The following CHN1 variants were observed in gnomAD, a reference collection of about 807,000 sequenced individuals.
CHN1 encodes the protein N-chimaerin.
A neutral mutation model predicts 59.5 loss-of-function variants in CHN1; 37 were observed. The observed-to-expected ratio is 0.62, with a 90% CI of 0.48 to 0.82. The LOEUF is 0.82. Ranked by LOEUF, CHN1 falls within the 40% of genes least tolerant of loss-of-function variation. The pLI is 0.00. For synonymous variants in CHN1, 206 were observed against 200.4 expected, an observed-to-expected ratio of 1.03 and a Z score of -0.24; for missense variants, 469 against 571.0, an observed-to-expected ratio of 0.82 and a Z score of 1.82.
Position 174,847,582 on chromosome 2 carries a change from A to T in CHN1, c.550-625T>A, listed in dbSNP as rs1212320. 2,265 of 1,297,002 alleles carry T rather than the reference A, an allele frequency of 1.7e-3. 35 individuals carry two copies. The African/African-American group carries it at 0.031, about 18-fold the overall frequency. The allele number at this position is 1,297,002 out of a possible 1,614,324, so 80.3% of individuals were successfully genotyped here. On this transcript the variant is annotated intron_variant, in intron 6 of 12. Transcript: ENST00000409900. ...ATCAGTTTCTAGCAACAGACACCCTATGAAGCCCCTAGCAGGGAAGGTGGG... is the reference window on the plus strand; with the variant it reads ...ATCAGTTTCTAGCAACAGACACCCTTTGAAGCCCCTAGCAGGGAAGGTGGG...
chr2:174,879,202 T>C (rs1687662390), intron 5 of CHN1, among the ~76,000 whole-genome samples: 1 of 152,252 alleles, frequency 6.6e-6, no homozygotes, highest in South Asian at 2.1e-4. Context: ...AATGGGACTA[T>C]AAACTTGTTA....
At chr2:174,829,696 A>C (rs900146436) in intron 7 of CHN1, among the ~76,000 whole-genome samples, 2 of 152,208 alleles carry the variant, frequency 1.3e-5, no homozygotes, top group Non-Finnish European at 2.9e-5. Flanking sequence ...ATTACGGGAA[A>C]TAAAATTTTG....
At chr2:174,811,364 GAA>G in intron 10 of CHN1, 145 bp downstream of exon 10, 1 of 551,336 alleles carries the variant, frequency 1.8e-6, no homozygotes. Flanking sequence ...TCAGAAAAAA[GAA>G]GAAATTATAA....
At chr2:174,887,658 A>G in intron 5 of CHN1, among the ~76,000 whole-genome samples, 1 of 152,224 alleles carries the variant, frequency 6.6e-6, no homozygotes, top group East Asian at 1.9e-4. Context: ...ATTTAAAATC[A>G]CAGGGCCAAA....
At chr2:174,888,142 G>C (rs186008425) in intron 5 of CHN1, among the ~76,000 whole-genome samples, 1 of 152,212 alleles carries the variant, frequency 6.6e-6, no homozygotes, top group African/African-American at 2.4e-5. Context: ...TGTACATTAG[G>C]TACCATCTCT....
chr2:174,821,158 C>G (rs1685481709), intron 8 of CHN1, among the ~76,000 whole-genome samples: 2 of 152,192 alleles, frequency 1.3e-5, no homozygotes. Flanking sequence ...TTCTGGAGGT[C>G]AGAAGTTCAA....
intron 1 of CHN1, among the ~76,000 whole-genome samples, chr2:174,981,902 C>T (rs984244916): frequency 1.3e-5 from 2 of 152,032 alleles, no homozygotes; most frequent in African/African-American, 4.8e-5. Flanking sequence ...CCCATTAACT[C>T]GTCATTAAAC....
At chr2:174,867,954 T>G (rs1221295574) in intron 6 of CHN1, among the ~76,000 whole-genome samples, 1 of 152,188 alleles carries the variant, frequency 6.6e-6, no homozygotes, top group Non-Finnish European at 1.5e-5. Flanking sequence ...ATGGGTTACT[T>G]AAAATAAAAA....
At chr2:174,981,509 C>G (rs1434014732) in intron 1 of CHN1, among the ~76,000 whole-genome samples, 1 of 152,200 alleles carries the variant, frequency 6.6e-6, no homozygotes, top group Non-Finnish European at 1.5e-5. Flanking sequence ...GATGAAACAT[C>G]TATTGCATTC....
intron 1 of CHN1, among the ~76,000 whole-genome samples, chr2:174,972,431 G>A (rs574405621): frequency 6.6e-6 from 1 of 152,206 alleles, no homozygotes; most frequent in East Asian, 1.9e-4. Flanking sequence ...ATTCCCCTAA[G>A]CTAAACATTC....
chr2:174,898,666 T>C (rs1009985653), intron 5 of CHN1, among the ~76,000 whole-genome samples: 1 of 152,202 alleles, frequency 6.6e-6, no homozygotes, highest in African/African-American at 2.4e-5. Context: ...ATTCCAGTTC[T>C]CATTCCCTAC....
At chr2:174,893,567 T>A (rs901613194) in intron 5 of CHN1, among the ~76,000 whole-genome samples, 1 of 152,086 alleles carries the variant, frequency 6.6e-6, no homozygotes, top group Non-Finnish European at 1.5e-5. Context: ...ACTAAAGCAA[T>A]CTAGACACTA....
chr2:174,811,468 G>C (rs1410089788), intron 10 of CHN1, 43 bp downstream of exon 10: 1 of 1,343,236 alleles, frequency 7.4e-7, no homozygotes, highest in Admixed American at 2.0e-5. Flanking sequence ...TTTTAGAAAA[G>C]AGTATTATTG....
chr2:174,835,573 ATT>A (rs538596347), intron 7 of CHN1, among the ~76,000 whole-genome samples: 31 of 97,414 alleles, frequency 3.2e-4, no homozygotes, highest in African/African-American at 7.5e-4. Flanking sequence ...TGTTGTGTTC[ATT>A]TTTTTTTTTT....
chr2:174,833,390 T>C (rs1050288206), intron 7 of CHN1, among the ~76,000 whole-genome samples: 4 of 152,250 alleles, frequency 2.6e-5, no homozygotes, highest in Admixed American at 1.3e-4. Context: ...TGTCTACATA[T>C]ACATATTATT....
chr2:174,996,034 G>GA (rs137866812), intron 1 of CHN1, among the ~76,000 whole-genome samples: 49,236 of 151,942 alleles, frequency 0.32, 9,341 homozygotes, highest in Admixed American at 0.46. Context: ...GTTTGTATAG[G>GA]AAAAAACATA....
At chr2:174,948,289 T>C (rs1002904380) in intron 2 of CHN1, among the ~76,000 whole-genome samples, 1 of 152,024 alleles carries the variant, frequency 6.6e-6, no homozygotes, top group Admixed American at 6.6e-5. Context: ...GAACCCAGAG[T>C]CTAACATGAC....
chr2:174,860,748 T>C (rs554875002), intron 6 of CHN1, among the ~76,000 whole-genome samples: 10 of 152,334 alleles, frequency 6.6e-5, no homozygotes, highest in African/African-American at 2.2e-4. Context: ...TAACAAAAGT[T>C]GAATTTGTCC....
chr2:174,991,436 T>C (rs897189185), intron 1 of CHN1, among the ~76,000 whole-genome samples: 17 of 152,234 alleles, frequency 1.1e-4, no homozygotes, highest in Non-Finnish European at 1.9e-4. Context: ...CCTGTGTTTA[T>C]AGATACTGTT....
Sources: allele counts gnomAD v4.1 joint callset (sites outside exome capture counted in the v4.1 genomes callset), GRCh38; gene constraint gnomAD v4.1.1; transcripts MANE v1.5; gene names NCBI Gene and HGNC (gene_info 2026-07-23, HGNC 2026-07-21).